The following FUT9 variants were observed in gnomAD, a reference collection of about 807,000 sequenced individuals.
FUT9 encodes 4-galactosyl-N-acetylglucosaminide 3-alpha-L-fucosyltransferase 9.
A neutral mutation model predicts 29.7 loss-of-function variants in FUT9; 15 were observed. That is an observed-to-expected ratio of 0.51 (90% confidence interval 0.34 to 0.78). The LOEUF is 0.78. Ranked by LOEUF, FUT9 falls within the 30% of genes least tolerant of loss-of-function variation. The pLI, the probability that FUT9 is intolerant of heterozygous loss-of-function variation, is 0.01. For synonymous variants in FUT9, 169 were observed against 153.7 expected (o/e 1.10, Z -0.74); for missense variants, 319 against 425.4 (o/e 0.75, Z 2.20).
intron 2 of FUT9, among the ~76,000 whole-genome samples, chr6:96,171,453 A>G (rs1422486782): frequency 1.3e-5 from 2 of 152,144 alleles, no homozygotes; most frequent in Non-Finnish European, 2.9e-5. Flanking sequence ...CCACATAAAC[A>G]GGGGCTGGAG....
intron 1 of FUT9, among the ~76,000 whole-genome samples, chr6:96,080,908 A>C (rs1254403223): frequency 2.0e-5 from 3 of 151,966 alleles, no homozygotes; most frequent in African/African-American, 7.2e-5. Context: ...TTATTTGAAG[A>C]ATTAGCAACA....
intron 2 of FUT9, among the ~76,000 whole-genome samples, chr6:96,149,229 C>T (rs937722579): frequency 6.6e-6 from 1 of 151,732 alleles, no homozygotes. Context: ...AGTCAGTATT[C>T]CATGCAATTT....
Position 96,207,868 on chromosome 6 carries a change from T to G in FUT9, c.*3633T>G, listed in dbSNP as rs189736854. On this transcript the variant is annotated 3_prime_UTR_variant, in exon 3 of 3. Coordinates refer to ENST00000302103, the MANE Select transcript of FUT9 (RefSeq NM_006581.4). ...AGACCTTACTAATAAGAATATATAC[T>G]GAATTGTCCACATCCAGAGTATTAC... 446 of 166,926 alleles carry G rather than the reference T, an allele frequency of 2.7e-3. 2 individuals carry two copies. The highest frequency in any genetic ancestry group is 0.01 in the African/African-American group (430 of 41,520). The allele number at this position is 166,926 out of a possible 1,614,324, so 10.3% of individuals were successfully genotyped here.
At chr6:96,024,671 A>G (rs1029558797) in intron 1 of FUT9, among the ~76,000 whole-genome samples, 3 of 151,830 alleles carry the variant, frequency 2.0e-5, no homozygotes, top group Admixed American at 6.6e-5. Context: ...AATATCTTAT[A>G]TCTCTTAAGT....
intron 2 of FUT9, among the ~76,000 whole-genome samples, chr6:96,193,200 A>G (rs1582300347): frequency 9.5e-5 from 1 of 10,506 alleles, no homozygotes; most frequent in African/African-American, 1.1e-4. Flanking sequence ...AAAATAGACA[A>G]ATGGGATCTA....
At chr6:96,048,955 C>T (rs2127937202) in intron 1 of FUT9, among the ~76,000 whole-genome samples, 1 of 152,334 alleles carries the variant, frequency 6.6e-6, no homozygotes, top group East Asian at 1.9e-4. Flanking sequence ...TATTTACTCT[C>T]ACTGTGCTTC....
chr6:96,089,824 T>C (rs1048352270), intron 1 of FUT9, among the ~76,000 whole-genome samples: 1 of 152,148 alleles, frequency 6.6e-6, no homozygotes, highest in Non-Finnish European at 1.5e-5. Context: ...ACAATACCCA[T>C]ATGGCATTGC....
At chr6:96,056,730 C>G (rs889924176) in intron 1 of FUT9, among the ~76,000 whole-genome samples, 1 of 151,254 alleles carries the variant, frequency 6.6e-6, no homozygotes, top group Non-Finnish European at 1.5e-5. Context: ...GATGACAAAG[C>G]GAGACTCCAT....
rs746240788 is a variant in FUT9 at position 96,204,064 on chromosome 6, G to A, written c.909G>A (p.Lys303=). ...NSPSELAKYL[K]EVDKNNKLYL... ...CCAGTGAGCTAGCAAAGTATCTGAA[G>A]GAAGTCGACAAAAACAATAAGTTAT... The change falls in exon 3 of 3, where the codon AAG becomes AAA. Residue 303 remains lysine (K), a synonymous_variant. Transcript: ENST00000302103. The A allele has an allele frequency of 1.0e-5, 16 of 1,556,846 alleles. No homozygotes were observed. The East Asian group carries it at 1.6e-4, about 15-fold the overall frequency.
intron 2 of FUT9, among the ~76,000 whole-genome samples, chr6:96,158,764 AT>A (rs1772839357): frequency 6.6e-6 from 1 of 152,064 alleles, no homozygotes; most frequent in African/African-American, 2.4e-5. Context: ...TATAAAATAA[AT>A]GACTAAAATT....
intron 2 of FUT9, among the ~76,000 whole-genome samples, chr6:96,143,739 G>A (rs750041559): frequency 1.2e-4 from 19 of 152,258 alleles, no homozygotes; most frequent in Non-Finnish European, 2.4e-4. Flanking sequence ...TCGTTGGGTG[G>A]ATTGAAATTT....
intron 2 of FUT9, among the ~76,000 whole-genome samples, chr6:96,133,862 G>T (rs1255018130): frequency 2.6e-5 from 4 of 151,746 alleles, no homozygotes; most frequent in African/African-American, 9.7e-5. Context: ...TTATTTATTT[G>T]TAAGGTCTTA....
intron 1 of FUT9, among the ~76,000 whole-genome samples, chr6:96,037,707 G>GA (rs1182857010): frequency 6.6e-6 from 1 of 151,714 alleles, no homozygotes; most frequent in South Asian, 2.1e-4. Context: ...TGTTAAAAAA[G>GA]AAAAAAAGAC....
chr6:96,160,415 T>C (rs1562147022), intron 2 of FUT9, among the ~76,000 whole-genome samples: 1 of 152,202 alleles, frequency 6.6e-6, no homozygotes, highest in Non-Finnish European at 1.5e-5. Context: ...CATGTTTCTA[T>C]TTGAATAACA....
chr6:96,175,402 T>C (rs1159267854), intron 2 of FUT9, among the ~76,000 whole-genome samples: 1 of 152,174 alleles, frequency 6.6e-6, no homozygotes, highest in Non-Finnish European at 1.5e-5. Context: ...CAATACTACA[T>C]TGTCTGCTAA....
At chr6:96,165,183 G>T (rs140141292) in intron 2 of FUT9, among the ~76,000 whole-genome samples, 5,471 of 152,282 alleles carry the variant, frequency 0.036, 164 homozygotes, top group Non-Finnish European at 0.058. Flanking sequence ...TGTAATCCCA[G>T]CACTTTGGGA....
intron 1 of FUT9, among the ~76,000 whole-genome samples, chr6:96,089,572 T>C (rs1771376594): frequency 1.3e-5 from 2 of 152,204 alleles, no homozygotes; most frequent in Non-Finnish European, 2.9e-5. Flanking sequence ...TATTCCTGCA[T>C]TGTGACCAAA....
At chr6:96,069,074 T>C (rs1771009342) in intron 1 of FUT9, among the ~76,000 whole-genome samples, 1 of 152,302 alleles carries the variant, frequency 6.6e-6, no homozygotes, top group Admixed American at 6.5e-5. Context: ...TCCAGCACTT[T>C]GGGAGGCCGA....
At chr6:96,163,965 C>G (rs1772961389) in intron 2 of FUT9, among the ~76,000 whole-genome samples, 1 of 152,172 alleles carries the variant, frequency 6.6e-6, no homozygotes, top group Non-Finnish European at 1.5e-5. Flanking sequence ...GCCTGTGACA[C>G]AACCTCAGGA....
Sources: gnomAD v4.1 joint callset for allele counts (sites outside exome capture counted in the v4.1 genomes callset) on GRCh38, gnomAD v4.1.1 for gene constraint, MANE v1.5 for transcripts, NCBI Gene and HGNC (gene_info 2026-07-23, HGNC 2026-07-21) for gene names.